The following GMCL1 variants were observed in gnomAD, a reference collection of about 807,000 sequenced individuals.
The protein encoded by GMCL1 is germ cell-less 1, spermatogenesis associated.
In GMCL1, 54 loss-of-function variants were observed where a neutral mutation model predicts 75.5. The observed-to-expected ratio is 0.71, with a 90% CI of 0.57 to 0.90. The LOEUF is 0.90. GMCL1 is among the 40% of genes least tolerant of loss of function. The pLI is 0.00. For synonymous variants in GMCL1, 210 were observed against 209.6 expected, an observed-to-expected ratio of 1.00 and a Z score of -0.02; for missense variants, 537 against 622.7, an observed-to-expected ratio of 0.86 and a Z score of 1.47.
intron 9 of GMCL1, among the ~76,000 whole-genome samples, chr2:69,860,134 T>C (rs1675599328): frequency 1.3e-5 from 2 of 152,204 alleles, no homozygotes; most frequent in South Asian, 4.2e-4. Flanking sequence ...CCTGAGTAGC[T>C]GGGACTACAG....
chr2:69,837,426 C>A, intron 1 of GMCL1, 121 bp from the exon 2 acceptor site: 1 of 814,508 alleles, frequency 1.2e-6, no homozygotes, highest in Non-Finnish European at 1.8e-6. Context: ...TCCTTTTACA[C>A]AATAGGTAAG....
intron 11 of GMCL1, among the ~76,000 whole-genome samples, chr2:69,868,411 C>G (rs1351377801): frequency 6.6e-6 from 1 of 152,150 alleles, no homozygotes; most frequent in Non-Finnish European, 1.5e-5. Context: ...ACTTGAAGCC[C>G]TAACTACTTC....
chr2:69,857,265 C>T (rs182394455), intron 9 of GMCL1, among the ~76,000 whole-genome samples: 1 of 152,310 alleles, frequency 6.6e-6, no homozygotes, highest in East Asian at 1.9e-4. Context: ...GTCTTCAACT[C>T]TGTGTCCTTC....
chr2:69,851,832 CTTAG>C (rs766270584), intron 8 of GMCL1, among the ~76,000 whole-genome samples: 10 of 152,224 alleles, frequency 6.6e-5, no homozygotes, highest in South Asian at 6.2e-4. Context: ...CTCTTTATAT[CTTAG>C]TTAAATACAT....
At chr2:69,830,983 G>C (rs187363697) in intron 1 of GMCL1, among the ~76,000 whole-genome samples, 27 of 152,238 alleles carry the variant, frequency 1.8e-4, no homozygotes, top group African/African-American at 5.8e-4. Flanking sequence ...GCAGTGGTGC[G>C]ATCTCAACTC....
Position 69,880,095 on chromosome 2 carries a change from A to G in GMCL1, c.*1091A>G, listed in dbSNP as rs1298414160. ...GATGTACACTTGTCATGATTTATGT[A>G]TGTTGACCTTTTGTGTTTATTACTG... On this transcript the variant is annotated 3_prime_UTR_variant, in exon 14 of 14. Transcript: ENST00000282570. 1 of 152,168 alleles carries G rather than the reference A, an allele frequency of 6.6e-6. No individual in the cohort carries two copies. Among genetic ancestry groups the G allele is most frequent in the Admixed American group, 6.5e-5 (1 of 15,274 alleles). 9.4% of individuals were successfully genotyped at this position (152,168 alleles called of 1,614,324 possible). A position where few individuals can be genotyped will look rare whatever the true frequency, so the allele number is the denominator to read the frequency against.
At position 69,877,814 on chromosome 2, in the gene GMCL1, G is replaced by A. The variant is rs113927996; in HGVS notation, c.1453-1095G>A. ...CACAGAAGCTGTGTCTAGTGAGTCT[G>A]CTTCAGTCACACAGATATTCTAGTT... On this transcript the variant is annotated intron_variant, in intron 13 of 13. Coordinates refer to ENST00000282570, the MANE Select transcript of GMCL1 (RefSeq NM_178439.5). 6.1e-3 allele frequency among the ~76,000 whole-genome samples: 924 copies of A among 152,188 alleles called. 2 individuals are homozygous for A. Among genetic ancestry groups the A allele is most frequent in the Non-Finnish European group, 9.8e-3 (666 of 68,022 alleles).
intron 13 of GMCL1, among the ~76,000 whole-genome samples, chr2:69,874,223 G>A (rs1676061332): frequency 6.6e-6 from 1 of 151,970 alleles, no homozygotes; most frequent in South Asian, 2.1e-4. Flanking sequence ...TGGCCAAATT[G>A]CCCTCCAAAG....
chr2:69,859,734 T>TCC (rs1675584338), intron 9 of GMCL1, among the ~76,000 whole-genome samples: 1 of 63,430 alleles, frequency 1.6e-5, no homozygotes. Flanking sequence ...ACCGTGTCTC[T>TCC]CTCTCTCTAA....
intron 11 of GMCL1, among the ~76,000 whole-genome samples, chr2:69,865,315 A>G (rs1322060034): frequency 6.6e-6 from 1 of 152,220 alleles, no homozygotes; most frequent in East Asian, 1.9e-4. Flanking sequence ...TCCTAAATCA[A>G]AGACATTCAA....
intron 11 of GMCL1, among the ~76,000 whole-genome samples, chr2:69,865,546 G>A (rs530163107): frequency 3.7e-4 from 57 of 152,098 alleles, no homozygotes; most frequent in Non-Finnish European, 5.7e-4. Context: ...TACCAGGGAG[G>A]CTGAGGCACG....
Position 69,850,451 on chromosome 2 carries a change from C to A in GMCL1, c.934+709C>A, listed in dbSNP as rs567835079. Among the ~76,000 whole-genome samples, 3 of 151,978 alleles carry A rather than the reference C, an allele frequency of 2.0e-5. No homozygotes were observed. The South Asian group carries it at 6.2e-4, about 32-fold the overall frequency. On this transcript the variant is annotated intron_variant, in intron 8 of 13. Coordinates refer to ENST00000282570, the MANE Select transcript of GMCL1 (RefSeq NM_178439.5). ...CAAAGAACTGGATAAATCCTTAGTT[C>A]GTGATTTTCTTAGTTTATGGCCACC...
At chr2:69,849,798 G>A in intron 8 of GMCL1, 56 bp downstream of exon 8, 1 of 1,015,056 alleles carries the variant, frequency 9.9e-7, no homozygotes, top group Non-Finnish European at 1.5e-6. Context: ...TTAAAATCAG[G>A]CCCCATGAGA....
chr2:69,867,128 T>G (rs1675842198), intron 11 of GMCL1, among the ~76,000 whole-genome samples: 1 of 151,796 alleles, frequency 6.6e-6, no homozygotes, highest in African/African-American at 2.4e-5. Context: ...AAAATTTTTG[T>G]AGAGACGAGG....
chr2:69,852,268 C>G (rs12614581), intron 8 of GMCL1, among the ~76,000 whole-genome samples: 35,071 of 152,096 alleles, frequency 0.23, 4,402 homozygotes, highest in East Asian at 0.39. Context: ...GTGGCAGAAA[C>G]TAGAGAAGCA....
chr2:69,876,428 A>G (rs118057804), intron 13 of GMCL1, among the ~76,000 whole-genome samples: 288 of 152,310 alleles, frequency 1.9e-3, no homozygotes, highest in East Asian at 0.017. Flanking sequence ...TGAACATGAC[A>G]TAGTGTTGGT....
At chr2:69,848,388 A>G (rs1013816131) in intron 7 of GMCL1, among the ~76,000 whole-genome samples, 11 of 152,334 alleles carry the variant, frequency 7.2e-5, no homozygotes, top group African/African-American at 2.4e-4. Flanking sequence ...GAACTTTACT[A>G]TCTGGGCTAT....
rs1674608666 is a variant in GMCL1, at chr2:69,829,673, A to AGCGAGGGG, written c.-213_-206dup. On this transcript the variant is annotated 5_prime_UTR_variant, in exon 1 of 14. Coordinates refer to ENST00000282570, the MANE Select transcript of GMCL1 (RefSeq NM_178439.5). ...CCTCCGTCCCGCGCTTTGTTGCGAA[A>AGCGAGGGG]GCGAGGGGGCGAGGTGCTGCGGTGC... The AGCGAGGGG allele has an allele frequency of 3.8e-6, 2 of 527,874 alleles. No individual in the cohort carries two copies. The highest frequency in any genetic ancestry group is 6.5e-6 in the Non-Finnish European group (2 of 306,536). 32.7% of individuals were successfully genotyped at this position (527,874 alleles called of 1,614,324 possible). A position where few individuals can be genotyped will look rare whatever the true frequency, so the allele number is the denominator to read the frequency against.
intron 7 of GMCL1, among the ~76,000 whole-genome samples, chr2:69,848,393 G>A (rs1015853855): frequency 5.3e-5 from 8 of 152,178 alleles, no homozygotes; most frequent in Non-Finnish European, 1.0e-4. Context: ...TTACTATCTG[G>A]GCTATCCAAT....
Sources: allele counts gnomAD v4.1 joint callset (sites outside exome capture counted in the v4.1 genomes callset), GRCh38; gene constraint gnomAD v4.1.1; transcripts MANE v1.5; gene names NCBI Gene and HGNC (gene_info 2026-07-23, HGNC 2026-07-21).